Variants in UBE2H observed in about 807,000 individuals in gnomAD.
UBE2H encodes ubiquitin conjugating enzyme E2 H.
A neutral mutation model predicts 29.0 loss-of-function variants in UBE2H; 3 were observed. The observed-to-expected ratio is 0.10, with a 90% confidence interval of 0.05 to 0.27. The LOEUF (loss-of-function observed/expected upper bound fraction) is 0.27, where lower values mean the gene tolerates loss of function less well. UBE2H is among the 10% of genes least tolerant of loss of function. The pLI is 1.00. For missense variants in UBE2H, 68 were observed against 228.2 expected, an observed-to-expected ratio of 0.30 and a Z score of 4.52; for synonymous variants, 69 against 82.9, an observed-to-expected ratio of 0.83 and a Z score of 0.91.
At chr7:129,894,403 G>A (rs955814510) in intron 1 of UBE2H, among the ~76,000 whole-genome samples, 6 of 152,014 alleles carry the variant, frequency 3.9e-5, no homozygotes, top group Admixed American at 3.3e-4. Context: ...TCACGCCACT[G>A]CACTCCAGCC....
At chr7:129,870,211 A>G (rs1806000984) in intron 3 of UBE2H, among the ~76,000 whole-genome samples, 1 of 151,950 alleles carries the variant, frequency 6.6e-6, no homozygotes, top group Non-Finnish European at 1.5e-5. Flanking sequence ...TTCCTTCTCG[A>G]TGGTGGTGCT....
intron 1 of UBE2H, among the ~76,000 whole-genome samples, chr7:129,938,702 G>A (rs118155272): frequency 0.067 from 9,720 of 145,706 alleles, 434 homozygotes; most frequent in Non-Finnish European, 0.094. Flanking sequence ...GCAAAACTTC[G>A]TCTCAAAAAA....
intron 1 of UBE2H, among the ~76,000 whole-genome samples, chr7:129,891,117 C>CA (rs1407088050): frequency 4.7e-5 from 7 of 148,088 alleles, no homozygotes; most frequent in African/African-American, 1.8e-4. Context: ...GCCTGGGTGA[C>CA]AGAGCAAGAC....
At chr7:129,948,407 T>A (rs1279359273) in intron 1 of UBE2H, among the ~76,000 whole-genome samples, 1 of 152,232 alleles carries the variant, frequency 6.6e-6, no homozygotes, top group East Asian at 1.9e-4. Flanking sequence ...TCAGGCCGTT[T>A]TAATGTAAGA....
At chr7:129,854,068 T>TTTTTTATTTTTTTTTTA (rs1805661535) in intron 5 of UBE2H, among the ~76,000 whole-genome samples, 1 of 148,706 alleles carries the variant, frequency 6.7e-6, no homozygotes, top group Non-Finnish European at 1.5e-5. Context: ...TAGTTTTTTT[T>TTTTTTATTTTTTTTTTA]TTTTTTTTTT....
In UBE2H at chr7:129,834,632, G is replaced by A. The variant is rs181768691; in HGVS notation, c.*305C>T. On this transcript the variant is annotated 3_prime_UTR_variant, in exon 7 of 7. Transcript: ENST00000355621. ...TTTACTCACATCTACCTATCAGAGCGGCTATTTCCTTCGACAGTTCAGTAG... is the reference window on the plus strand; with the variant it reads ...TTTACTCACATCTACCTATCAGAGCAGCTATTTCCTTCGACAGTTCAGTAG... 218 of 206,032 alleles carry A rather than the reference G, an allele frequency of 1.1e-3. 1 individual carries two copies. Among genetic ancestry groups the A allele is most frequent in the Non-Finnish European group, 7.1e-4 (73 of 103,306 alleles). The allele number at this position is 206,032 out of a possible 1,614,324, so 12.8% of individuals were successfully genotyped here.
intron 1 of UBE2H, among the ~76,000 whole-genome samples, chr7:129,939,525 T>C (rs1807599062): frequency 6.6e-6 from 1 of 152,222 alleles, no homozygotes; most frequent in South Asian, 2.1e-4. Flanking sequence ...ATATTACTCT[T>C]GGTGATCTCT....
intron 3 of UBE2H, among the ~76,000 whole-genome samples, chr7:129,872,845 CAAAAAAAAAAA>C (rs34001143): frequency 2.8e-5 from 2 of 71,992 alleles, no homozygotes. Flanking sequence ...CACTCCGTCT[CAAAAAAAAAAA>C]AAAAAAAAAA....
chr7:129,942,879 T>A (rs1292348654), intron 1 of UBE2H, among the ~76,000 whole-genome samples: 2 of 152,060 alleles, frequency 1.3e-5, no homozygotes, highest in Admixed American at 1.3e-4. Flanking sequence ...TCTTGCTCTG[T>A]TCCCCGGGGT....
At chr7:129,871,659 A>T (rs1806035629) in intron 3 of UBE2H, among the ~76,000 whole-genome samples, 1 of 151,552 alleles carries the variant, frequency 6.6e-6, no homozygotes, top group South Asian at 2.1e-4. Context: ...GGTTGCAGTA[A>T]GCTGAGATTG....
chr7:129,907,020 A>G (rs1806831972), intron 1 of UBE2H, among the ~76,000 whole-genome samples: 1 of 152,200 alleles, frequency 6.6e-6, no homozygotes, highest in Non-Finnish European at 1.5e-5. Context: ...CTCTACGTCA[A>G]TGGTACAACA....
At chr7:129,903,977 CA>C (rs1243777835) in intron 1 of UBE2H, among the ~76,000 whole-genome samples, 1 of 152,194 alleles carries the variant, frequency 6.6e-6, no homozygotes, top group Non-Finnish European at 1.5e-5. Flanking sequence ...AAAGAATGTG[CA>C]AAATTAACAT....
chr7:129,935,399 C>T (rs1291689509), intron 1 of UBE2H, among the ~76,000 whole-genome samples: 5 of 139,926 alleles, frequency 3.6e-5, no homozygotes, highest in Non-Finnish European at 4.5e-5. Context: ...GGCGACAGAG[C>T]GAGACTGTCT....
chr7:129,951,642 G>A (rs531251793), intron 1 of UBE2H, among the ~76,000 whole-genome samples: 3 of 152,174 alleles, frequency 2.0e-5, no homozygotes, highest in Non-Finnish European at 4.4e-5. Context: ...CATAAAGTTG[G>A]GGGGAGGGGG....
intron 1 of UBE2H, among the ~76,000 whole-genome samples, chr7:129,914,620 G>A (rs965794228): frequency 3.9e-5 from 6 of 152,136 alleles, no homozygotes; most frequent in South Asian, 2.1e-4. Context: ...ACTTCAAACC[G>A]ACCCAGGTTT....
intron 5 of UBE2H, among the ~76,000 whole-genome samples, chr7:129,849,212 C>T (rs973366336): frequency 6.6e-5 from 10 of 152,126 alleles, no homozygotes; most frequent in African/African-American, 2.2e-4. Context: ...AGGAAAACTT[C>T]AGTAAAACCA....
intron 1 of UBE2H, among the ~76,000 whole-genome samples, chr7:129,892,741 C>T (rs1806522892): frequency 6.6e-6 from 1 of 151,956 alleles, no homozygotes; most frequent in Non-Finnish European, 1.5e-5. Flanking sequence ...TTGTTCTTAA[C>T]CTTTAGCTAT....
intron 3 of UBE2H, among the ~76,000 whole-genome samples, chr7:129,872,616 T>G (rs572322026): frequency 5.9e-4 from 89 of 151,880 alleles, no homozygotes; most frequent in Non-Finnish European, 6.6e-4. Flanking sequence ...CCAAGGTGGG[T>G]GGATCACCTG....
intron 3 of UBE2H, among the ~76,000 whole-genome samples, chr7:129,878,010 G>T (rs905064679): frequency 2.6e-5 from 4 of 152,126 alleles, no homozygotes; most frequent in Admixed American, 1.3e-4. Flanking sequence ...GAATGAACTT[G>T]CATGGACTTC....
Sources: allele counts gnomAD v4.1 joint callset (sites outside exome capture counted in the v4.1 genomes callset), GRCh38; gene constraint gnomAD v4.1.1; transcripts MANE v1.5; gene names NCBI Gene and HGNC (gene_info 2026-07-23, HGNC 2026-07-21).